Variants in TCTN1 observed in about 807,000 individuals in gnomAD.
The protein encoded by TCTN1 is tectonic family member 1.
A neutral mutation model predicts 65.8 loss-of-function variants in TCTN1; 58 were observed. That is an observed-to-expected ratio of 0.88 (90% CI 0.71 to 1.10). TCTN1 has a LOEUF of 1.10. Among genes scored for constraint, TCTN1 ranks in the 50% least tolerant of loss-of-function variants. The probability of loss-of-function intolerance (pLI) is 0.00; values close to 1 mark genes in which losing one functional copy is unlikely to be tolerated. For synonymous variants in TCTN1, 273 were observed against 289.1 expected (o/e 0.94, Z 0.57); for missense variants, 645 against 719.4 (o/e 0.90, Z 1.18).
In TCTN1 at chr12:110,641,646, T is replaced by C; in HGVS notation, c.1190+19T>C. The stretch of plus-strand genomic sequence containing the variant: ...ATAAGGGATATCCTTTTTGGTTCTG[T>C]AGAGGGTGGATTTATTTCTCTCTCC... On this transcript the variant is annotated intron_variant, in intron 10 of 14. Coordinates refer to ENST00000397659, the MANE Select transcript of TCTN1 (RefSeq NM_001082538.3). 1 of 1,609,116 alleles carries C rather than the reference T, an allele frequency of 6.2e-7. No homozygotes were observed. The highest frequency in any genetic ancestry group is 8.5e-7 in the Non-Finnish European group (1 of 1,175,402).
chr12:110,648,793 A>G (rs996026881), intron 14 of TCTN1: 1 of 307,244 alleles, frequency 3.3e-6, no homozygotes, highest in Non-Finnish European at 6.2e-6. Flanking sequence ...GGGAAAAGAG[A>G]GAGTTTATTT....
intron 1 of TCTN1, among the ~76,000 whole-genome samples, chr12:110,615,496 T>G (rs2064975158): frequency 6.6e-6 from 1 of 152,212 alleles, no homozygotes; most frequent in Non-Finnish European, 1.5e-5. Context: ...TTTTTTTGTT[T>G]TTGAGACAAG....
At chr12:110,619,471 T>A (rs533918313) in intron 1 of TCTN1, among the ~76,000 whole-genome samples, 10 of 152,218 alleles carry the variant, frequency 6.6e-5, no homozygotes, top group Non-Finnish European at 1.2e-4. Flanking sequence ...GTGGTTCTTA[T>A]GGTCAGGCAA....
intron 12 of TCTN1, chr12:110,645,715 G>A (rs1036494327): frequency 6.3e-6 from 1 of 158,802 alleles, no homozygotes; most frequent in Non-Finnish European, 1.4e-5. Flanking sequence ...CACACATGAT[G>A]CTTCTGCCCA....
rs2067370962 is a variant in TCTN1 at position 110,647,074 on chromosome 12, GTAGAGTCTATTCAT to G, written c.1495-120_1495-107del. On this transcript the variant is annotated intron_variant, in intron 12 of 14. Coordinates refer to ENST00000397659, the MANE Select transcript of TCTN1 (RefSeq NM_001082538.3). ...CTCTAAGCTGTTTTTATCTGAACTT[GTAGAGTCTATTCAT>G]TTTCTTGTTCAGAACATTTTGTAAT... 5.9e-6 allele frequency: 7 copies of G among 1,185,298 alleles called. No individual in the cohort carries two copies. In the South Asian group the frequency reaches 6.5e-5, roughly 11 times the overall value. The allele number at this position is 1,185,298 out of a possible 1,614,324, so 73.4% of individuals were successfully genotyped here. A position where few individuals can be genotyped will look rare whatever the true frequency, so the allele number is the denominator to read the frequency against.
At chr12:110,636,283 A>G in intron 6 of TCTN1, 198 bp from the exon 7 acceptor site, 1 of 509,366 alleles carries the variant, frequency 2.0e-6, no homozygotes, top group Non-Finnish European at 3.6e-6. Flanking sequence ...TAGAAGGAAA[A>G]CGCAATGTGA....
Position 110,634,836 on chromosome 12 carries a change from G to A in TCTN1, c.822+57G>A, listed in dbSNP as rs186081395. ...TTAGGTATGTTTCTGTTCTTTCTGC[G>A]CTTTTAAAATATGACAAGTACAGAA... On this transcript the variant is annotated intron_variant, in intron 6 of 14. Coordinates refer to ENST00000397659, the MANE Select transcript of TCTN1 (RefSeq NM_001082538.3). 11,881 of 1,350,408 alleles carry A rather than the reference G, an allele frequency of 8.8e-3. 62 individuals carry two copies. Among genetic ancestry groups the A allele is most frequent in the Non-Finnish European group, 1.0e-2 (9,570 of 959,442 alleles). The allele number at this position is 1,350,408 out of a possible 1,614,324, so 83.7% of individuals were successfully genotyped here. A position where few individuals can be genotyped will look rare whatever the true frequency, so the allele number is the denominator to read the frequency against.
Position 110,622,418 on chromosome 12 carries a change from C to G in TCTN1, c.341+2462C>G, listed in dbSNP as rs898565302. ...ACTCTCCTGCCTTCAAAGAGCTTAC[C>G]GTCGAGTAAGGGAGACAGAGGAGTG... On this transcript the variant is annotated intron_variant, in intron 2 of 14. Transcript: ENST00000397659. Among the ~76,000 whole-genome samples, 13 of 152,242 alleles carry G rather than the reference C, an allele frequency of 8.5e-5. No homozygotes were observed. In the South Asian group the frequency reaches 1.0e-3, roughly 12 times the overall value.
chr12:110,642,372 A>G lies in TCTN1; in HGVS notation c.1314A>G (p.Gln438=), dbSNP rs1429252809. The G allele has an allele frequency of 1.2e-5, 20 of 1,614,192 alleles. No individual in the cohort carries two copies. The highest frequency in any genetic ancestry group is 1.7e-5 in the Non-Finnish European group (20 of 1,180,032). The change falls in exon 11 of 15, where the codon CAA becomes CAG. Residue 438 remains glutamine, a synonymous_variant. Coordinates refer to ENST00000397659, the MANE Select transcript of TCTN1 (RefSeq NM_001082538.3). ...RTPVLFGYTM[Q]SGCKLRLTGA... ...CAGTATTATTTGGTTACACTATGCA[A>G]TCTGGCTGTAAACTAAGGTAAAAGA...
Position 110,642,306 on chromosome 12 carries a change from A to T in TCTN1, c.1248A>T (p.Thr416=), listed in dbSNP as rs1258776278. ...GACAGCTTACTATTCTTCATAGCAC[A>T]ACTGAGCAAGACTGCTTAGCACTGG... The part of the protein sequence containing the change: ...RYGQLTILHS[T]TEQDCLALEG... Residue 416 remains threonine (T), a synonymous_variant, in exon 11 of 15, where the codon ACA becomes ACT. Coordinates refer to ENST00000397659, the MANE Select transcript of TCTN1 (RefSeq NM_001082538.3). The T allele has an allele frequency of 6.2e-7, 1 of 1,614,222 alleles. No individual in the cohort carries two copies. The highest frequency in any genetic ancestry group is 1.7e-5 in the Admixed American group (1 of 60,028).
In TCTN1 at chr12:110,640,992, C is replaced by T. The variant is rs2066913204; in HGVS notation, c.979-32C>T. On this transcript the variant is annotated intron_variant, in intron 8 of 14. Transcript: ENST00000397659. This position sits in a 1 kb window ranked among gnomAD's most constrained non-coding sequence, Gnocchi z 4.9. ...ATACAGCTTCTGAAATGTAATGGAA[C>T]AGGTATATTTGGAGTATCATTTTGT... The T allele has an allele frequency of 6.2e-7, 1 of 1,613,928 alleles. No individual in the cohort carries two copies. The highest frequency in any genetic ancestry group is 1.7e-5 in the Admixed American group (1 of 60,002).
At chr12:110,617,543 TCTCAAA>T (rs2065127763) in intron 1 of TCTN1, among the ~76,000 whole-genome samples, 1 of 151,864 alleles carries the variant, frequency 6.6e-6, no homozygotes, top group Non-Finnish European at 1.5e-5. Context: ...GCCAGGCTGG[TCTCAAA>T]CTCCTAACCT....
At chr12:110,628,685 C>T in intron 3 of TCTN1, 82 bp from the exon 4 acceptor site, 1 of 1,290,056 alleles carries the variant, frequency 7.8e-7, no homozygotes, top group South Asian at 1.3e-5. Flanking sequence ...CTATTAAAAA[C>T]TTTCCAAAAC....
At chr12:110,631,687 G>A (rs1019204923) in intron 4 of TCTN1, among the ~76,000 whole-genome samples, 15 of 152,228 alleles carry the variant, frequency 9.9e-5, no homozygotes, top group Middle Eastern at 6.8e-3. Flanking sequence ...ATGTATCTGA[G>A]CTGTTCCACT....
Position 110,620,856 on chromosome 12 carries a change from A to G in TCTN1, c.341+900A>G, listed in dbSNP as rs189046827. 6.9e-3 allele frequency among the ~76,000 whole-genome samples: 1,007 copies of G among 145,844 alleles called. 1 individual carries two copies. The highest frequency in any genetic ancestry group is 9.4e-3 in the Non-Finnish European group (630 of 67,304). ...GAGATGGAGTCTCGCTCTGTTGCCC[A>G]GGCTGGAGTGCAGTGGTGTGATAGT... On this transcript the variant is annotated intron_variant, in intron 2 of 14. Transcript: ENST00000397659.
chr12:110,621,564 C>T (rs577491504), intron 2 of TCTN1, among the ~76,000 whole-genome samples: 7 of 151,946 alleles, frequency 4.6e-5, no homozygotes, highest in Admixed American at 4.6e-4. Flanking sequence ...CCTCTGCCTG[C>T]TGGCTTCAAG....
At chr12:110,642,478 T>G in intron 11 of TCTN1, 89 bp downstream of exon 11, 1 of 1,578,318 alleles carries the variant, frequency 6.3e-7, no homozygotes, top group South Asian at 1.1e-5. Flanking sequence ...AATCTCTGCA[T>G]CAGCTGATGA....
At chr12:110,620,110 A>C (rs1290657981) in intron 2 of TCTN1, among the ~76,000 whole-genome samples, 154 bp downstream of exon 2, 1 of 152,180 alleles carries the variant, frequency 6.6e-6, no homozygotes, top group Admixed American at 6.5e-5. Flanking sequence ...AAATATGTAA[A>C]AAAGTAGCTA....
At chr12:110,642,138 C>T in intron 10 of TCTN1, 111 bp from the exon 11 acceptor site, 1 of 1,423,442 alleles carries the variant, frequency 7.0e-7, no homozygotes, top group Admixed American at 1.9e-5. Flanking sequence ...TCCCAGAGGC[C>T]CAGAAAAAGT....
Sources: allele counts gnomAD v4.1 joint callset (sites outside exome capture counted in the v4.1 genomes callset), GRCh38; gene constraint gnomAD v4.1.1; non-coding constraint Gnocchi (gnomAD v3.1); transcripts MANE v1.5; gene names NCBI Gene and HGNC (gene_info 2026-07-23, HGNC 2026-07-21).